The following OR9Q1 variants were observed in gnomAD, a reference collection of about 807,000 sequenced individuals.
The protein encoded by OR9Q1 is olfactory receptor 9Q1.
For synonymous variants in OR9Q1, 153 were observed against 148.6 expected, an observed-to-expected ratio of 1.03 and a Z score of -0.22; for missense variants, 374 against 378.8, an observed-to-expected ratio of 0.99 and a Z score of 0.11.
chr11:58,090,316 G>A (rs538605697), intron 2 of OR9Q1, among the ~76,000 whole-genome samples: 4 of 152,236 alleles, frequency 2.6e-5, no homozygotes, highest in Admixed American at 1.3e-4. Context: ...TTTGAGATAC[G>A]TTCCATCAAT....
intron 2 of OR9Q1, among the ~76,000 whole-genome samples, chr11:58,079,786 A>G (rs1414934499): frequency 6.6e-6 from 1 of 152,180 alleles, no homozygotes; most frequent in Non-Finnish European, 1.5e-5. Context: ...AGGCTCATAC[A>G]TATTGACAAT....
chr11:58,040,502 T>C (rs1853151256), intron 1 of OR9Q1, among the ~76,000 whole-genome samples: 1 of 152,232 alleles, frequency 6.6e-6, no homozygotes, highest in Non-Finnish European at 1.5e-5. Context: ...TTCATTCATT[T>C]ACCAATCACG....
intron 2 of OR9Q1, among the ~76,000 whole-genome samples, chr11:58,100,126 G>A (rs1015452631): frequency 2.0e-5 from 3 of 152,250 alleles, no homozygotes; most frequent in Middle Eastern, 3.4e-3. Flanking sequence ...CTAACCCTTG[G>A]AGCAGCATTT....
rs143742976 is a variant in OR9Q1 at position 58,156,402 on chromosome 11, T to C, written c.-14-23029T>C. 6.8e-3 allele frequency among the ~76,000 whole-genome samples: 1,040 copies of C among 152,302 alleles called. 7 individuals are homozygous for C. The highest frequency in any genetic ancestry group is 0.011 in the Non-Finnish European group (774 of 68,030). On this transcript the variant is annotated intron_variant, in intron 2 of 2. Coordinates refer to ENST00000335397, the MANE Select transcript of OR9Q1 (RefSeq NM_001005212.4). Reference sequence around the variant, plus strand: ...TGTGTGGGACAGTCCTTATGTCCATTCATTAAAACAGGGTAGAACATAGCT... The same window carrying C: ...TGTGTGGGACAGTCCTTATGTCCATCCATTAAAACAGGGTAGAACATAGCT...
chr11:58,114,041 C>G (rs1853927345), intron 2 of OR9Q1, among the ~76,000 whole-genome samples: 1 of 152,072 alleles, frequency 6.6e-6, no homozygotes, highest in African/African-American at 2.4e-5. Flanking sequence ...ACAAAAAATG[C>G]AATCACCAAA....
intron 2 of OR9Q1, among the ~76,000 whole-genome samples, chr11:58,134,527 C>G (rs73482609): frequency 0.03 from 4,613 of 152,248 alleles, 222 homozygotes; most frequent in African/African-American, 0.1. Flanking sequence ...TTCCAAGAGT[C>G]TACTGCATAG....
chr11:58,078,286 C>G (rs1428134867), intron 2 of OR9Q1: 1 of 152,150 alleles, frequency 6.6e-6, no homozygotes, highest in Non-Finnish European at 1.5e-5. Context: ...TGGCAGGAAA[C>G]ACTAAGTTCC....
At chr11:58,083,648 T>A (rs1853609504) in intron 2 of OR9Q1, among the ~76,000 whole-genome samples, 2 of 151,260 alleles carry the variant, frequency 1.3e-5, no homozygotes. Flanking sequence ...TGCTGAAAGG[T>A]AAGGGTCCAG....
chr11:58,102,012 CTGGGATTACAGG>C (rs1173099722), intron 2 of OR9Q1, among the ~76,000 whole-genome samples: 6 of 152,306 alleles, frequency 3.9e-5, no homozygotes, highest in Non-Finnish European at 8.8e-5. Context: ...TCCCAAAGTG[CTGGGATTACAGG>C]TGTGAGCCAC....
At chr11:58,035,616 T>C (rs761815648) in intron 1 of OR9Q1, among the ~76,000 whole-genome samples, 2 of 152,204 alleles carry the variant, frequency 1.3e-5, no homozygotes, top group South Asian at 2.1e-4. Flanking sequence ...TGGGACTGAA[T>C]TGGGGGAAAG....
chr11:58,089,147 G>A (rs1853660636), intron 2 of OR9Q1, among the ~76,000 whole-genome samples: 1 of 151,672 alleles, frequency 6.6e-6, no homozygotes, highest in African/African-American at 2.4e-5. Flanking sequence ...CAAAGTGTTG[G>A]GATTACAAGC....
Position 58,031,871 on chromosome 11 carries a change from C to T in OR9Q1, c.-93+7767C>T, listed in dbSNP as rs185813462. The T allele has an allele frequency of 6.2e-5, 100 of 1,612,902 alleles. No homozygotes were observed. In the East Asian group the frequency reaches 2.0e-3, roughly 32 times the overall value. On this transcript the variant is annotated intron_variant, in intron 1 of 2. Transcript: ENST00000335397. ...CAAGGAAGTGAAGGGAGCTCTGGGT[C>T]GAGTCTTTTCTCTCAACTTTTGGAA... is the stretch of plus-strand genomic sequence containing the variant.
intron 2 of OR9Q1, among the ~76,000 whole-genome samples, chr11:58,097,023 G>A (rs1853738688): frequency 6.6e-6 from 1 of 152,024 alleles, no homozygotes. Flanking sequence ...AATATTTTTT[G>A]TAGAGATGGG....
At chr11:58,177,566 G>A (rs1854617469) in intron 2 of OR9Q1, among the ~76,000 whole-genome samples, 1 of 152,174 alleles carries the variant, frequency 6.6e-6, no homozygotes, top group South Asian at 2.1e-4. Flanking sequence ...TTTGGTAAAT[G>A]AAGAGGCTCT....
chr11:58,088,117 A>C (rs978248398), intron 2 of OR9Q1, among the ~76,000 whole-genome samples: 3 of 151,866 alleles, frequency 2.0e-5, no homozygotes, highest in Non-Finnish European at 2.9e-5. Context: ...CTGGGAGTAC[A>C]GGCATGAGCC....
chr11:58,172,243 G>A (rs576684141), intron 2 of OR9Q1, among the ~76,000 whole-genome samples: 85 of 152,280 alleles, frequency 5.6e-4, no homozygotes, highest in Admixed American at 1.0e-3. Context: ...CACTCAGTGG[G>A]CACAGGGATG....
At chr11:58,065,754 A>AG (rs1413655043) in intron 2 of OR9Q1, among the ~76,000 whole-genome samples, 2 of 152,166 alleles carry the variant, frequency 1.3e-5, no homozygotes, top group Admixed American at 6.5e-5. Context: ...CATTGTGCAA[A>AG]GGGGGGCATT....
intron 2 of OR9Q1, chr11:58,109,777 G>C (rs974777624): frequency 1.3e-4 from 45 of 351,946 alleles, no homozygotes; most frequent in Middle Eastern, 1.3e-3. Context: ...TCTGCTCAGA[G>C]AGAAAAAAAG....
intron 2 of OR9Q1, among the ~76,000 whole-genome samples, chr11:58,083,314 G>A (rs184804619): frequency 1.3e-5 from 2 of 151,666 alleles, no homozygotes; most frequent in Admixed American, 1.3e-4. Context: ...TTTTAATGAG[G>A]TTATTTGTTT....
Sources: allele counts gnomAD v4.1 joint callset (sites outside exome capture counted in the v4.1 genomes callset), GRCh38; gene constraint gnomAD v4.1.1; transcripts MANE v1.5; gene names NCBI Gene and HGNC (gene_info 2026-07-23, HGNC 2026-07-21).